Variants in ZNF536 observed in about 807,000 individuals in gnomAD.
ZNF536 encodes the protein zinc finger protein 536.
Under a neutral mutation model 84.5 loss-of-function variants are expected in ZNF536, and 13 were observed. That is an observed-to-expected ratio of 0.15 (90% CI 0.10 to 0.24). The LOEUF (loss-of-function observed/expected upper bound fraction) is 0.24. Among genes scored for constraint, ZNF536 ranks in the 10% least tolerant of loss-of-function variants. The pLI, the probability that ZNF536 is intolerant of heterozygous loss-of-function variation, is 1.00. For missense variants in ZNF536, 1,536 were observed against 1,747.5 expected, an observed-to-expected ratio of 0.88 and a Z score of 2.16; for synonymous variants, 811 against 742.5, an observed-to-expected ratio of 1.09 and a Z score of -1.50.
chr19:30,236,515 T>C (rs908375707), intron 1 of ZNF536, among the ~76,000 whole-genome samples: 16 of 143,788 alleles, frequency 1.1e-4, no homozygotes, highest in Admixed American at 1.4e-4. Context: ...AAAAAGCTTT[T>C]GTTAAAGTTG....
At chr19:30,240,484 T>C (rs1037979047) in intron 1 of ZNF536, among the ~76,000 whole-genome samples, 2 of 152,170 alleles carry the variant, frequency 1.3e-5, no homozygotes, top group Non-Finnish European at 2.9e-5. Context: ...TCTGGGCCCC[T>C]CCCAGGACCT....
chr19:30,564,729 A>C (rs1008915820), intron 1 of ZNF536, among the ~76,000 whole-genome samples: 1 of 152,200 alleles, frequency 6.6e-6, no homozygotes, highest in African/African-American at 2.4e-5. Context: ...AATTATTTAC[A>C]AGATAATGGT....
At position 30,445,551 on chromosome 19, in the gene ZNF536, G is replaced by C. The variant is rs1394192088; in HGVS notation, c.1989G>C (p.Gly663=). ...HKRDRKGEED[G]LHVGLDERRG... is the part of the protein sequence containing the mutation. ...GGGACCGCAAGGGCGAGGAGGATGGGCTGCACGTGGGCCTGGATGAGCGGC... is the reference window on the plus strand; with the variant it reads ...GGGACCGCAAGGGCGAGGAGGATGGCCTGCACGTGGGCCTGGATGAGCGGC... Residue 663 remains glycine (G), a synonymous_variant, in exon 2 of 5, where the codon GGG becomes GGC. Transcript: ENST00000355537. This position sits in a 1 kb window ranked among gnomAD's most constrained non-coding sequence, Gnocchi z 4.5. The C allele has an allele frequency of 6.2e-7, 1 of 1,613,602 alleles. No homozygotes were observed.
chr19:30,404,323 A>G (rs1210943539), intron 1 of ZNF536, among the ~76,000 whole-genome samples: 1 of 151,960 alleles, frequency 6.6e-6, no homozygotes, highest in Non-Finnish European at 1.5e-5. Context: ...CCAGAGGGGG[A>G]CACTGTTTTC....
chr19:30,392,625 C>A (rs567694357), intron 1 of ZNF536, among the ~76,000 whole-genome samples: 2 of 152,252 alleles, frequency 1.3e-5, no homozygotes, highest in African/African-American at 4.8e-5. Context: ...TGTCTCTGTT[C>A]TTAGAAGTAC....
At chr19:30,604,974 A>G (rs959448051) in intron 1 of ZNF536, among the ~76,000 whole-genome samples, 13 of 152,152 alleles carry the variant, frequency 8.5e-5, no homozygotes, top group African/African-American at 3.1e-4. Context: ...CGTAGCTTGC[A>G]CTACAAAGCA....
intron 1 of ZNF536, among the ~76,000 whole-genome samples, chr19:30,600,259 T>C (rs1254976690): frequency 6.6e-6 from 1 of 151,922 alleles, no homozygotes; most frequent in African/African-American, 2.4e-5. Flanking sequence ...TGCTTGGCTA[T>C]TTTTTGTATT....
Position 30,337,767 on chromosome 19 carries a change from A to G in ZNF536, c.-119-14601A>G, listed in dbSNP as rs184926815. ...TGAGCCTCAGTTTCCTAGTGTCTGT[A>G]TAGTGAGGATAAAGCGAATAGCAGA... On this transcript the variant is annotated intron_variant, in intron 2 of 5. Transcript: ENST00000585628. Among the ~76,000 whole-genome samples, 400 of 152,330 alleles carry G rather than the reference A, an allele frequency of 2.6e-3. 1 individual carries two copies. The highest frequency in any genetic ancestry group is 9.3e-3 in the African/African-American group (385 of 41,570).
At chr19:30,555,033 T>G (rs1289102433) in intron 4 of ZNF536, 1 of 152,268 alleles carries the variant, frequency 6.6e-6, no homozygotes, top group Non-Finnish European at 1.5e-5. Flanking sequence ...GATGCCTTGT[T>G]TCTGGGAAGC....
chr19:30,359,341 C>A (rs1256341556), intron 3 of ZNF536, among the ~76,000 whole-genome samples: 1 of 152,162 alleles, frequency 6.6e-6, no homozygotes, highest in East Asian at 1.9e-4. Context: ...CCCGGGACAG[C>A]CTGGTCTGGA....
chr19:30,329,074 G>A (rs1180980355), intron 2 of ZNF536, among the ~76,000 whole-genome samples: 1 of 152,170 alleles, frequency 6.6e-6, no homozygotes, highest in African/African-American at 2.4e-5. Context: ...GCAAATGTCG[G>A]TGTGTCAAGA....
chr19:30,332,934 T>C (rs2047260504), intron 2 of ZNF536, among the ~76,000 whole-genome samples: 1 of 152,008 alleles, frequency 6.6e-6, no homozygotes, highest in Non-Finnish European at 1.5e-5. Flanking sequence ...ATACAAAAAT[T>C]AGTCAGGCAT....
At chr19:30,270,413 A>T (rs2025762248) in intron 1 of ZNF536, among the ~76,000 whole-genome samples, 1 of 152,204 alleles carries the variant, frequency 6.6e-6, no homozygotes, top group Non-Finnish European at 1.5e-5. Flanking sequence ...AGAACCTGAA[A>T]TCTGGATAAC....
chr19:30,328,404 G>C (rs2059019307), intron 2 of ZNF536, among the ~76,000 whole-genome samples: 1 of 152,180 alleles, frequency 6.6e-6, no homozygotes, highest in Non-Finnish European at 1.5e-5. Flanking sequence ...CAAGGCAGAA[G>C]AGGAACTCAT....
At chr19:30,544,208 C>T (rs550477374) in intron 3 of ZNF536, among the ~76,000 whole-genome samples, 16 of 152,222 alleles carry the variant, frequency 1.1e-4, no homozygotes, top group African/African-American at 1.7e-4. Context: ...TTTAGCGACC[C>T]GGCAGGAGGT....
At chr19:30,425,372 C>T (rs1239012584) in intron 1 of ZNF536, among the ~76,000 whole-genome samples, 1 of 152,148 alleles carries the variant, frequency 6.6e-6, no homozygotes, top group Non-Finnish European at 1.5e-5. Context: ...AGCCAGGACT[C>T]CTTTCGTTTC....
rs144815155 is a variant in ZNF536 at position 30,602,080 on chromosome 19, C to T, written c.169+52566C>T. On this transcript the variant is annotated intron_variant, in intron 1 of 1. Transcript: ENST00000592773. ...TTCTGCTGAAAAGCTTCAGTCCACC[C>T]ATTAGCGTTATCTGCAGTGGTATCA... is the stretch of plus-strand genomic sequence containing the variant. Among the ~76,000 whole-genome samples the T allele has an allele frequency of 1.7e-3, 253 of 152,348 alleles. 2 individuals carry two copies. The highest frequency in any genetic ancestry group is 5.6e-3 in the African/African-American group (234 of 41,590).
At chr19:30,592,159 T>C (rs973965685) in intron 1 of ZNF536, among the ~76,000 whole-genome samples, 1 of 152,182 alleles carries the variant, frequency 6.6e-6, no homozygotes, top group African/African-American at 2.4e-5. Flanking sequence ...GTAATTTCCA[T>C]GCACAAGTCA....
At chr19:30,682,293 A>G (rs371856044) in intron 1 of ZNF536, among the ~76,000 whole-genome samples, 13 of 152,136 alleles carry the variant, frequency 8.5e-5, no homozygotes, top group East Asian at 5.8e-4. Flanking sequence ...TGAGGACTCG[A>G]GGCGAGGATG....
Sources: gnomAD v4.1 joint callset for allele counts (sites outside exome capture counted in the v4.1 genomes callset) on GRCh38, gnomAD v4.1.1 for gene constraint, Gnocchi (gnomAD v3.1) non-coding constraint, MANE v1.5 for transcripts, NCBI Gene and HGNC (gene_info 2026-07-23, HGNC 2026-07-21) for gene names.